NLGN4Y: variants seen among roughly 807,000 people sequenced by gnomAD.
NLGN4Y encodes neuroligin 4 Y-linked, also known as neuroligin-4, Y-linked.
A neutral mutation model predicts 8.4 loss-of-function variants in NLGN4Y; 4 were observed. The ratio of observed to expected loss-of-function variants is 0.48; its 90% CI spans 0.23 to 1.09. The LOEUF (loss-of-function observed/expected upper bound fraction) is 1.09, where lower values mean the gene tolerates loss of function less well. NLGN4Y is among the 50% of genes least tolerant of loss of function. The pLI is 0.19. For missense variants in NLGN4Y, 90 were observed against 192.3 expected (o/e 0.47, Z 3.15); for synonymous variants, 35 against 75.6 (o/e 0.46, Z 2.78).
At chrY:14,586,373 T>C (rs771746976) in intron 1 of NLGN4Y, among the ~76,000 whole-genome samples, 1 of 33,043 alleles carries the variant, frequency 3.0e-5, no homozygotes, top group South Asian at 7.0e-4. Flanking sequence ...CTTTAGCAAA[T>C]AGGATCTGTG....
intron 2 of NLGN4Y, among the ~76,000 whole-genome samples, chrY:14,672,935 C>A: frequency 3.5e-5 from 1 of 28,524 alleles, no homozygotes. Flanking sequence ...GGAAAGGATT[C>A]CCTATTTAAT....
chrY:14,553,565 A>T (rs2080201569), intron 1 of NLGN4Y, among the ~76,000 whole-genome samples: 1 of 22,056 alleles, frequency 4.5e-5, no homozygotes, highest in African/African-American at 1.6e-4. Context: ...TGGTACCAAA[A>T]CTGTGTGTGT....
Position 14,778,115 on chromosome Y carries a change from A to G in NLGN4Y, c.686-46073A>G, listed in dbSNP as rs760783922. Among the ~76,000 whole-genome samples the G allele has an allele frequency of 2.2e-4, 7 of 32,349 alleles. No individual in the cohort carries two copies. In the East Asian group the frequency reaches 5.6e-3, roughly 26 times the overall value. The allele number at this position is 32,349 out of a possible 37,273, so 86.8% of individuals were successfully genotyped here. On this transcript the variant is annotated intron_variant, in intron 4 of 6. Transcript: ENST00000684976. ...CTTTCCAGCTTTTCATAGTCCCCCA[A>G]AGCCTTGCAGCCTTCCAAAACTTGA...
At chrY:14,549,214 T>G in intron 1 of NLGN4Y, among the ~76,000 whole-genome samples, 3 of 33,106 alleles carry the variant, frequency 9.1e-5, no homozygotes, top group African/African-American at 3.6e-4. Flanking sequence ...TAAATCACTT[T>G]CAGAAATAAC....
intron 1 of NLGN4Y, among the ~76,000 whole-genome samples, chrY:14,598,237 G>A (rs1052906337): frequency 1.4e-3 from 49 of 34,719 alleles, no homozygotes; most frequent in African/African-American, 5.5e-3. Flanking sequence ...ACTGGGTGCC[G>A]TGGAGCAGGG....
intron 1 of NLGN4Y, among the ~76,000 whole-genome samples, chrY:14,575,486 C>T (rs1049658300): frequency 9.2e-5 from 3 of 32,618 alleles, no homozygotes; most frequent in Non-Finnish European, 2.3e-4. Context: ...TGTATCCATT[C>T]GTCTATTTTT....
At chrY:14,577,690 G>A in intron 1 of NLGN4Y, among the ~76,000 whole-genome samples, 2 of 34,011 alleles carry the variant, frequency 5.9e-5, no homozygotes, top group Non-Finnish European at 1.5e-4. Flanking sequence ...CTAGGTCCTT[G>A]AGGAATCACC....
Position 14,843,615 on chromosome Y carries a change from G to A in NLGN4Y, c.*2353G>A, listed in dbSNP as rs1470196677. 2 of 119,592 alleles carry A rather than the reference G, an allele frequency of 1.7e-5. No individual in the cohort carries two copies. The allele number at this position is 119,592 out of a possible 400,897, so 29.8% of individuals were successfully genotyped here. On this transcript the variant is annotated 3_prime_UTR_variant, in exon 7 of 7. Coordinates refer to ENST00000684976, the MANE Select transcript of NLGN4Y (RefSeq NM_001365588.1). ...AATGAATAGCTTTAGCTTTTACAGGGGATTATGATTAAAAGTGATTTAGTA... is the reference window on the plus strand; with the variant it reads ...AATGAATAGCTTTAGCTTTTACAGGAGATTATGATTAAAAGTGATTTAGTA...
At position 14,758,075 on chromosome Y, in the gene NLGN4Y, G is replaced by C. The variant is rs200039887; in HGVS notation, c.685+34806G>C. Among the ~76,000 whole-genome samples, 30 of 34,244 alleles carry C rather than the reference G, an allele frequency of 8.8e-4. No individual in the cohort carries two copies. In the East Asian group the frequency reaches 0.022, roughly 25 times the overall value. The allele number at this position is 34,244 out of a possible 37,273, so 91.9% of individuals were successfully genotyped here. ...TCTTAATACTTTCTTATTCCTGGCA[G>C]ATGCTTTCCAACTTGTTGTTTTCAA... On this transcript the variant is annotated intron_variant, in intron 4 of 6. Coordinates refer to ENST00000684976, the MANE Select transcript of NLGN4Y (RefSeq NM_001365588.1).
intron 4 of NLGN4Y, among the ~76,000 whole-genome samples, chrY:14,796,852 G>GA (rs2043013807): frequency 3.1e-5 from 1 of 32,716 alleles, no homozygotes; most frequent in Non-Finnish European, 7.4e-5. Context: ...GAGCTATTGG[G>GA]ATTTTCACAT....
upstream of NLGN4Y, chrY:14,524,142 T>C (rs9786698): frequency 0.17 from 7,372 of 43,617 alleles, no homozygotes; most frequent in African/African-American, 0.68. Context: ...AGCGGAAAAG[T>C]TGGAAGCCGA....
At chrY:14,779,634 C>T (rs954669364) in intron 4 of NLGN4Y, among the ~76,000 whole-genome samples, 1 of 32,895 alleles carries the variant, frequency 3.0e-5, no homozygotes, top group African/African-American at 1.2e-4. Context: ...TAAAATAGAT[C>T]GATCTAATAA....
At chrY:14,702,069 G>C in intron 2 of NLGN4Y, among the ~76,000 whole-genome samples, 1 of 31,619 alleles carries the variant, frequency 3.2e-5, no homozygotes, top group East Asian at 8.3e-4. Flanking sequence ...TGCCCAGACT[G>C]TTCTCAAACT....
intron 4 of NLGN4Y, among the ~76,000 whole-genome samples, chrY:14,789,166 C>T (rs2042978119): frequency 3.2e-5 from 1 of 30,989 alleles, no homozygotes; most frequent in Non-Finnish European, 7.7e-5. Flanking sequence ...GATGAGGTTT[C>T]GCCATGTTGG....
chrY:14,616,541 C>T (rs2080489438), intron 1 of NLGN4Y, among the ~76,000 whole-genome samples: 1 of 32,647 alleles, frequency 3.1e-5, no homozygotes, highest in Non-Finnish European at 7.5e-5. Context: ...GTTAGGGTGT[C>T]GATTTTAGAT....
At chrY:14,671,737 A>G in intron 2 of NLGN4Y, among the ~76,000 whole-genome samples, 1 of 30,193 alleles carries the variant, frequency 3.3e-5, no homozygotes, top group Admixed American at 3.0e-4. Flanking sequence ...TCCCGGCTAC[A>G]CAGGAGGCTG....
intron 1 of NLGN4Y, among the ~76,000 whole-genome samples, chrY:14,560,618 A>G (rs2080224289): frequency 6.0e-5 from 2 of 33,346 alleles, no homozygotes; most frequent in East Asian, 1.6e-3. Flanking sequence ...TGCTGTTTAT[A>G]TTCATCAAAC....
chrY:14,834,731 GCA>G (rs2043191444), intron 6 of NLGN4Y, among the ~76,000 whole-genome samples: 1 of 33,909 alleles, frequency 2.9e-5, no homozygotes, highest in Non-Finnish European at 7.3e-5. Context: ...TCCCTCCAGG[GCA>G]GAGAAAGATT....
At chrY:14,539,348 T>G (rs2080141528) in intron 1 of NLGN4Y, among the ~76,000 whole-genome samples, 1 of 33,205 alleles carries the variant, frequency 3.0e-5, no homozygotes, top group African/African-American at 1.2e-4. Flanking sequence ...AGGTTTTAAT[T>G]CAACACTACA....
Sources: gnomAD v4.1 joint callset for allele counts (sites outside exome capture counted in the v4.1 genomes callset) on GRCh38, gnomAD v4.1.1 for gene constraint, MANE v1.5 for transcripts, NCBI Gene and HGNC (gene_info 2026-07-23, HGNC 2026-07-21) for gene names.